The following AFG2A variants were observed in gnomAD, a reference collection of about 807,000 sequenced individuals.
AFG2A encodes ATPase family gene 2 protein homolog A.
At chr4:122,934,160 T>C in the AFG2A span, 1 of 1,614,206 alleles carries the variant, frequency 6.2e-7, no homozygotes. Context: ...CCGTACAAGC[T>C]GCAAGTATTG....
chr4:123,231,105 C>T, the AFG2A span, among the ~76,000 whole-genome samples: 1 of 151,874 alleles, frequency 6.6e-6, no homozygotes, highest in Non-Finnish European at 1.5e-5. Flanking sequence ...GCATTAGCCC[C>T]CAACAAGAGA....
At chr4:123,021,714 C>G in the AFG2A span, among the ~76,000 whole-genome samples, 1 of 152,150 alleles carries the variant, frequency 6.6e-6, no homozygotes, top group South Asian at 2.1e-4. Context: ...TTAATCTTTT[C>G]TGTTAAATGC....
chr4:123,308,508 G>A, the AFG2A span, among the ~76,000 whole-genome samples: 3 of 152,092 alleles, frequency 2.0e-5, no homozygotes, highest in Non-Finnish European at 4.4e-5. Context: ...ATTCTCATAG[G>A]TGTGGGAACC....
chr4:123,293,820 G>C, the AFG2A span, among the ~76,000 whole-genome samples: 1 of 152,314 alleles, frequency 6.6e-6, no homozygotes, highest in East Asian at 1.9e-4. Flanking sequence ...GAGATGCTGA[G>C]AGCACTCCCA....
the AFG2A span, among the ~76,000 whole-genome samples, chr4:122,991,322 C>T: frequency 6.6e-6 from 1 of 152,160 alleles, no homozygotes; most frequent in Admixed American, 6.5e-5. Flanking sequence ...TCCCTTGCTG[C>T]TCTTTTAAAT....
chr4:123,026,309 G>A, the AFG2A span, among the ~76,000 whole-genome samples: 1 of 152,178 alleles, frequency 6.6e-6, no homozygotes, highest in East Asian at 1.9e-4. Flanking sequence ...TCACTACAAA[G>A]CTTAAGTGGC....
chr4:123,040,902 A>G, the AFG2A span, among the ~76,000 whole-genome samples: 6,188 of 152,204 alleles, frequency 0.041, 406 homozygotes, highest in African/African-American at 0.14. Context: ...GTACCAATGT[A>G]CAAATAATTG....
chr4:122,958,848 T>A, the AFG2A span, among the ~76,000 whole-genome samples: 4 of 152,086 alleles, frequency 2.6e-5, no homozygotes, highest in Admixed American at 2.0e-4. Context: ...CATAATTAAG[T>A]GTTTAAGGGA....
the AFG2A span, among the ~76,000 whole-genome samples, chr4:123,161,710 T>C: frequency 6.6e-6 from 1 of 152,160 alleles, no homozygotes; most frequent in Non-Finnish European, 1.5e-5. Flanking sequence ...CATGAGATTT[T>C]ACAAAGGTTA....
chr4:123,052,431 TC>T, the AFG2A span, among the ~76,000 whole-genome samples: 1 of 152,224 alleles, frequency 6.6e-6, no homozygotes, highest in Non-Finnish European at 1.5e-5. Context: ...CATATCTCTA[TC>T]ACTTTAGGGT....
At chr4:123,006,862 T>TA in the AFG2A span, among the ~76,000 whole-genome samples, 1 of 152,008 alleles carries the variant, frequency 6.6e-6, no homozygotes, top group East Asian at 1.9e-4. Flanking sequence ...TCTTTCTCCT[T>TA]ACGGGTATAT....
At chr4:122,970,385 A>G in the AFG2A span, among the ~76,000 whole-genome samples, 1 of 152,096 alleles carries the variant, frequency 6.6e-6, no homozygotes, top group African/African-American at 2.4e-5. Flanking sequence ...ATGTTTGCAC[A>G]ATGATAAAAT....
At chr4:123,147,432 C>G in the AFG2A span, among the ~76,000 whole-genome samples, 13 of 152,084 alleles carry the variant, frequency 8.5e-5, no homozygotes, top group African/African-American at 3.1e-4. Context: ...TACCAGTTTA[C>G]TGAGTGTGGT....
the AFG2A span, among the ~76,000 whole-genome samples, chr4:123,026,569 G>A: frequency 6.6e-6 from 1 of 152,168 alleles, no homozygotes; most frequent in African/African-American, 2.4e-5. Flanking sequence ...ACAGAATTGA[G>A]TTGATTTCTG....
the AFG2A span, among the ~76,000 whole-genome samples, chr4:123,028,633 C>G: frequency 6.6e-6 from 1 of 151,916 alleles, no homozygotes; most frequent in African/African-American, 2.4e-5. Flanking sequence ...TTTCTTGATT[C>G]TGGTATTTCT....
chr4:123,215,394 A>AT, the AFG2A span, among the ~76,000 whole-genome samples: 1 of 152,120 alleles, frequency 6.6e-6, no homozygotes, highest in Non-Finnish European at 1.5e-5. Context: ...GGAAATTTTA[A>AT]TTATTTCTAG....
chr4:123,253,507 G>A, the AFG2A span, among the ~76,000 whole-genome samples: 1 of 151,794 alleles, frequency 6.6e-6, no homozygotes, highest in Non-Finnish European at 1.5e-5. Flanking sequence ...AAAAATAGCT[G>A]GGCATGGTGG....
At chr4:123,170,945 G>T in the AFG2A span, among the ~76,000 whole-genome samples, 1 of 152,082 alleles carries the variant, frequency 6.6e-6, no homozygotes, top group Non-Finnish European at 1.5e-5. Flanking sequence ...CAGGGTGGTT[G>T]GTAGGATTAA....
the AFG2A span, among the ~76,000 whole-genome samples, chr4:122,980,457 G>A: frequency 2.0e-5 from 3 of 152,166 alleles, no homozygotes; most frequent in African/African-American, 7.2e-5. Context: ...GAATAGTGCT[G>A]TAGTGAACAT....
Sources: gnomAD v4.1 joint callset for allele counts (sites outside exome capture counted in the v4.1 genomes callset) on GRCh38, gnomAD v4.1.1 for gene constraint, MANE v1.5 for transcripts, NCBI Gene and HGNC (gene_info 2026-07-23, HGNC 2026-07-21) for gene names.